CFTR: variants seen among roughly 807,000 people sequenced by gnomAD.
The protein encoded by CFTR is CF transmembrane conductance regulator.
A neutral mutation model predicts 171.6 loss-of-function variants in CFTR; 181 were observed. The ratio of observed to expected loss-of-function variants is 1.05; its 90% confidence interval spans 0.93 to 1.19. The LOEUF is 1.19. Among genes scored for constraint, CFTR ranks in the 50% most tolerant of loss-of-function variants. The pLI, the probability that CFTR is intolerant of heterozygous loss-of-function variation, is 0.00. For synonymous variants in CFTR, 583 were observed against 608.0 expected, an observed-to-expected ratio of 0.96 and a Z score of 0.60; for missense variants, 1,968 against 1,734.7, an observed-to-expected ratio of 1.13 and a Z score of -2.39.
At chr7:117,532,249 C>G (rs1310161152) in intron 4 of CFTR, among the ~76,000 whole-genome samples, 1 of 152,146 alleles carries the variant, frequency 6.6e-6, no homozygotes, top group Non-Finnish European at 1.5e-5. Flanking sequence ...GGAATCTACA[C>G]AGTTGGCATA....
chr7:117,667,177 G>A lies in CFTR; in HGVS notation c.*69G>A. On this transcript the variant is annotated 3_prime_UTR_variant, in exon 27 of 27. Transcript: ENST00000003084. ...GGAGCTCGTGGGACAGTCACCTCAT[G>A]GAATTGGAGCTCGTGGAACAGTTAC... 7.2e-7 allele frequency: 1 copy of A among 1,384,004 alleles called. No individual in the cohort carries two copies. 85.7% of individuals were successfully genotyped at this position (1,384,004 alleles called of 1,614,324 possible).
chr7:117,664,587 GA>G, intron 24 of CFTR, 100 bp from the exon 25 acceptor site: 1 of 1,138,886 alleles, frequency 8.8e-7, no homozygotes, highest in Admixed American at 1.7e-5. Flanking sequence ...GGATTGGTAT[GA>G]AAAACATAAG....
rs372877278 is a variant in CFTR, at chr7:117,637,461, T to G, written c.3718-4977T>G. Among the ~76,000 whole-genome samples, 22 of 152,258 alleles carry G rather than the reference T, an allele frequency of 1.4e-4. No individual in the cohort carries two copies. The East Asian group carries it at 3.5e-3, about 24-fold the overall frequency. ...TTTCACCCCTTTTGGTGGGACATAGTGACTAGTGTGAGCGGGAGTTGAGTA... is the reference window on the plus strand; with the variant it reads ...TTTCACCCCTTTTGGTGGGACATAGGGACTAGTGTGAGCGGGAGTTGAGTA... On this transcript the variant is annotated intron_variant, in intron 22 of 26. Coordinates refer to ENST00000003084, the MANE Select transcript of CFTR (RefSeq NM_000492.4).
chr7:117,532,136 A>T (rs756298982), intron 4 of CFTR, among the ~76,000 whole-genome samples: 2 of 152,106 alleles, frequency 1.3e-5, no homozygotes, highest in Non-Finnish European at 2.9e-5. Flanking sequence ...CAATCTCATC[A>T]GTTCACAAGT....
chr7:117,606,623 T>G (rs1050566358), intron 17 of CFTR, 51 bp from the exon 18 acceptor site: 1 of 969,284 alleles, frequency 1.0e-6, no homozygotes, highest in African/African-American at 1.6e-5. Context: ...TATTGATATA[T>G]CTTTAAAAAA....
At chr7:117,527,990 T>G (rs1383996131) in intron 3 of CFTR, among the ~76,000 whole-genome samples, 1 of 115,160 alleles carries the variant, frequency 8.7e-6, no homozygotes, top group Non-Finnish European at 1.8e-5. Context: ...CCAATGACTT[T>G]CTTCATAGAA....
chr7:117,559,718 A>G (rs953650640), intron 11 of CFTR, 63 bp downstream of exon 11: 2 of 1,123,588 alleles, frequency 1.8e-6, no homozygotes, highest in Admixed American at 1.8e-5. Context: ...CCCAAATTAT[A>G]TATTTGGCTC....
At chr7:117,556,133 C>T (rs1400849149) in intron 10 of CFTR, among the ~76,000 whole-genome samples, 1 of 152,034 alleles carries the variant, frequency 6.6e-6, no homozygotes, top group Non-Finnish European at 1.5e-5. Context: ...GGTGCGATCT[C>T]GGCTCACTGC....
intron 24 of CFTR, among the ~76,000 whole-genome samples, chr7:117,654,133 T>G (rs546210415): frequency 1.3e-5 from 2 of 152,326 alleles, no homozygotes; most frequent in East Asian, 3.9e-4. Flanking sequence ...GTGGCAGGTC[T>G]GTGCTCCAAT....
chr7:117,638,770 A>G (rs901830593), intron 22 of CFTR, among the ~76,000 whole-genome samples: 1 of 137,146 alleles, frequency 7.3e-6, no homozygotes, highest in Non-Finnish European at 1.6e-5. Flanking sequence ...AATAAATAAT[A>G]AAAATAAAAA....
At chr7:117,634,902 G>T (rs1483131361) in intron 22 of CFTR, among the ~76,000 whole-genome samples, 1 of 152,020 alleles carries the variant, frequency 6.6e-6, no homozygotes, top group Non-Finnish European at 1.5e-5. Flanking sequence ...TTCCATGTAA[G>T]CTTTGGAAGA....
At chr7:117,583,495 G>C (rs775191714) in intron 11 of CFTR, among the ~76,000 whole-genome samples, 1 of 152,152 alleles carries the variant, frequency 6.6e-6, no homozygotes, top group Non-Finnish European at 1.5e-5. Context: ...TGCTGCAAAG[G>C]CCATTATTTC....
At position 117,494,137 on chromosome 7, in the gene CFTR, T is replaced by C. The variant is rs559073911; in HGVS notation, c.54-10116T>C. Reference sequence around the variant, plus strand: ...CAGTTTCAGTATTATCCTTGGAGTATTAATTCTTAATCATCTTCATCTTAG... The same window carrying C: ...CAGTTTCAGTATTATCCTTGGAGTACTAATTCTTAATCATCTTCATCTTAG... On this transcript the variant is annotated intron_variant, in intron 1 of 26. Coordinates refer to ENST00000003084, the MANE Select transcript of CFTR (RefSeq NM_000492.4). 2.9e-4 allele frequency among the ~76,000 whole-genome samples: 44 copies of C among 151,360 alleles called. 1 individual carries two copies. The highest frequency in any genetic ancestry group is 3.4e-3 in the Middle Eastern group (1 of 294).
chr7:117,649,514 TA>T (rs754158067), intron 23 of CFTR, among the ~76,000 whole-genome samples: 31,361 of 129,340 alleles, frequency 0.24, 5,100 homozygotes, highest in African/African-American at 0.48. Flanking sequence ...TATATATATA[TA>T]TATATTTTTT....
intron 11 of CFTR, among the ~76,000 whole-genome samples, chr7:117,574,658 C>G (rs1323392983): frequency 6.6e-6 from 1 of 152,044 alleles, no homozygotes; most frequent in Non-Finnish European, 1.5e-5. Flanking sequence ...CTAAGTAGGA[C>G]TTTTTACCCC....
In CFTR at chr7:117,592,061, G is replaced by A; in HGVS notation, c.1894G>A (p.Glu632Lys). 6.2e-7 allele frequency: 1 copy of A among 1,608,556 alleles called. No individual in the cohort carries two copies. The highest frequency in any genetic ancestry group is 1.1e-5 in the South Asian group (1 of 89,570). Residue 632 changes from glutamate (E) to lysine (K), a missense_variant, in exon 14 of 27, where the codon GAA (glutamate) becomes AAA (lysine). Physicochemically the swap from Glu to Lys is moderately conservative, Grantham distance 56 (BLOSUM62 1). Transcript: ENST00000003084. ...CAGCTATTTTTATGGGACATTTTCA[G>A]AACTCCAAAATCTACAGCCAGACTT... The part of the protein sequence containing the change: ...GSSYFYGTFS[E>K]LQNLQPDFSS...
chr7:117,624,041 C>T (rs899527207), intron 21 of CFTR, among the ~76,000 whole-genome samples: 60 of 152,104 alleles, frequency 3.9e-4, no homozygotes, highest in African/African-American at 1.4e-3. Context: ...TCAGGCTCCA[C>T]AAAACCTGGA....
intron 3 of CFTR, among the ~76,000 whole-genome samples, chr7:117,523,960 G>A (rs1200553291): frequency 6.6e-6 from 1 of 152,052 alleles, no homozygotes; most frequent in African/African-American, 2.4e-5. Flanking sequence ...TTTTTTCTCA[G>A]AAGCTTCTTT....
chr7:117,645,390 TAA>T (rs1487502557), intron 23 of CFTR, among the ~76,000 whole-genome samples: 1 of 152,174 alleles, frequency 6.6e-6, no homozygotes, highest in African/African-American at 2.4e-5. Flanking sequence ...CTCATTGTCA[TAA>T]GTCAGAGATC....
Sources: allele counts gnomAD v4.1 joint callset (sites outside exome capture counted in the v4.1 genomes callset), GRCh38; gene constraint gnomAD v4.1.1; transcripts MANE v1.5; gene names NCBI Gene and HGNC (gene_info 2026-07-23, HGNC 2026-07-21).